Variants in RYR3 observed in about 807,000 individuals in gnomAD.
RYR3 encodes ryanodine receptor 3.
Under a neutral mutation model 584.3 loss-of-function variants are expected in RYR3, and 207 were observed. The ratio of observed to expected loss-of-function variants is 0.35; its 90% CI spans 0.32 to 0.40. The LOEUF (loss-of-function observed/expected upper bound fraction) is 0.40, where lower values mean the gene tolerates loss of function less well. RYR3 is among the 10% of genes least tolerant of loss of function. The pLI is 1.00. For missense variants in RYR3, 5,616 were observed against 6,089.2 expected (o/e 0.92, Z 2.59); for synonymous variants, 2,416 against 2,248.5 (o/e 1.07, Z -2.11).
At chr15:33,478,734 A>G (rs1249564026) in intron 2 of RYR3, among the ~76,000 whole-genome samples, 1 of 152,248 alleles carries the variant, frequency 6.6e-6, no homozygotes, top group African/African-American at 2.4e-5. Context: ...TGTTAGATAT[A>G]TCCGGAACCC....
chr15:33,690,204 G>A (rs2065313125), intron 38 of RYR3, among the ~76,000 whole-genome samples: 2 of 152,192 alleles, frequency 1.3e-5, no homozygotes. Context: ...GCCCACCTTT[G>A]TGCGTGTGCA....
At chr15:33,857,967 C>A in intron 99 of RYR3, 53 bp downstream of exon 99, 1 of 1,604,400 alleles carries the variant, frequency 6.2e-7, no homozygotes, top group Non-Finnish European at 8.5e-7. Context: ...GCCACCCCGC[C>A]CCACCACCTC....
At chr15:33,455,820 T>C (rs1461435792) in intron 1 of RYR3, among the ~76,000 whole-genome samples, 2 of 152,230 alleles carry the variant, frequency 1.3e-5, no homozygotes, top group East Asian at 1.9e-4. Context: ...ATTTCCTATT[T>C]ATTGCACATA....
At chr15:33,488,678 C>T (rs1050901788) in intron 2 of RYR3, among the ~76,000 whole-genome samples, 10 of 151,960 alleles carry the variant, frequency 6.6e-5, no homozygotes, top group African/African-American at 2.2e-4. Context: ...TGGTGAAACC[C>T]CGTCTCTACT....
At chr15:33,812,327 T>C (rs150783257) in intron 72 of RYR3, among the ~76,000 whole-genome samples, 175 of 152,042 alleles carry the variant, frequency 1.2e-3, no homozygotes, top group African/African-American at 3.9e-3. Context: ...AGAGTCAGCA[T>C]AGGAAACAAA....
At position 33,425,637 on chromosome 15, in the gene RYR3, A is replaced by ATTTTT. The variant is rs68182512; in HGVS notation, c.52-47764_52-47760dup. ...AGCTTCTACTAGGTTGAGACTCACAATTTTTTTTTTTTTTTTTTTTTTGAG... is the reference window on the plus strand; with the variant it reads ...AGCTTCTACTAGGTTGAGACTCACAATTTTTTTTTTTTTTTTTTTTTTTTTTTGAG... On this transcript the variant is annotated intron_variant, in intron 1 of 103. Transcript: ENST00000634891. Among the ~76,000 whole-genome samples, 939 of 121,658 alleles carry ATTTTT rather than the reference A, an allele frequency of 7.7e-3. 48 individuals carry two copies. Among genetic ancestry groups the ATTTTT allele is most frequent in the African/African-American group, 0.023 (679 of 29,972 alleles). The allele number at this position is 121,658 out of a possible 152,430, so 79.8% of individuals were successfully genotyped here.
At chr15:33,558,467 T>A (rs2057222265) in intron 10 of RYR3, among the ~76,000 whole-genome samples, 1 of 151,928 alleles carries the variant, frequency 6.6e-6, no homozygotes, top group Non-Finnish European at 1.5e-5. Context: ...ATGGTGTATA[T>A]GTGCCACATT....
At chr15:33,379,288 G>A (rs1159419119) in intron 1 of RYR3, among the ~76,000 whole-genome samples, 1 of 152,146 alleles carries the variant, frequency 6.6e-6, no homozygotes, top group African/African-American at 2.4e-5. Flanking sequence ...AAGAATAGAA[G>A]CGACACTTGA....
chr15:33,681,169 A>G (rs1186113264), intron 38 of RYR3, among the ~76,000 whole-genome samples: 11 of 152,202 alleles, frequency 7.2e-5, no homozygotes, highest in South Asian at 4.1e-4. Flanking sequence ...CTGTGGGCAC[A>G]TTTGTCATGG....
intron 1 of RYR3, among the ~76,000 whole-genome samples, chr15:33,329,700 C>G (rs1339072477): frequency 6.6e-6 from 1 of 152,190 alleles, no homozygotes; most frequent in Non-Finnish European, 1.5e-5. Flanking sequence ...TTGGCCATCA[C>G]AACATTATCT....
chr15:33,503,506 TGCA>T, intron 2 of RYR3, 122 bp from the exon 3 acceptor site: 1 of 625,708 alleles, frequency 1.6e-6, no homozygotes, highest in South Asian at 2.0e-5. Context: ...GCCACCTTTT[TGCA>T]TTCCTATTCA....
chr15:33,413,723 C>T (rs1055325508), intron 1 of RYR3, among the ~76,000 whole-genome samples: 1 of 152,212 alleles, frequency 6.6e-6, no homozygotes, highest in Admixed American at 6.5e-5. Flanking sequence ...CCTGTTCCCC[C>T]CCGCTCAGCT....
intron 1 of RYR3, among the ~76,000 whole-genome samples, chr15:33,433,662 A>G (rs566172596): frequency 1.3e-5 from 2 of 152,190 alleles, no homozygotes; most frequent in Non-Finnish European, 2.9e-5. Flanking sequence ...GCCTATACAA[A>G]TTACTTTTAG....
chr15:33,369,008 CAG>C (rs766181671), intron 1 of RYR3, among the ~76,000 whole-genome samples: 24 of 152,220 alleles, frequency 1.6e-4, no homozygotes, highest in Non-Finnish European at 3.1e-4. Flanking sequence ...CACTGACAGA[CAG>C]ACTTTTCCTG....
intron 91 of RYR3, among the ~76,000 whole-genome samples, chr15:33,842,746 C>G (rs1467386622): frequency 6.6e-6 from 1 of 152,182 alleles, no homozygotes; most frequent in Non-Finnish European, 1.5e-5. Context: ...CACAGAATGG[C>G]TACATCCAGG....
intron 20 of RYR3, among the ~76,000 whole-genome samples, chr15:33,627,378 A>T (rs2061047178): frequency 6.6e-6 from 1 of 152,206 alleles, no homozygotes; most frequent in East Asian, 1.9e-4. Context: ...AATACAGAGG[A>T]ACTCTCCCTT....
intron 44 of RYR3, among the ~76,000 whole-genome samples, 180 bp downstream of exon 44, chr15:33,723,075 G>A (rs537315350): frequency 2.0e-5 from 3 of 152,366 alleles, no homozygotes; most frequent in Admixed American, 2.0e-4. Flanking sequence ...CTAGTGATCA[G>A]CATCACCTTC....
intron 1 of RYR3, among the ~76,000 whole-genome samples, chr15:33,374,160 C>T (rs889032561): frequency 1.1e-4 from 16 of 151,916 alleles, no homozygotes; most frequent in African/African-American, 3.6e-4. Context: ...AGATGAATAA[C>T]AAAAAAATGT....
intron 1 of RYR3, among the ~76,000 whole-genome samples, chr15:33,354,282 C>T (rs1973668093): frequency 6.6e-6 from 1 of 152,134 alleles, no homozygotes; most frequent in Non-Finnish European, 1.5e-5. Context: ...AGTAAGATGC[C>T]CATTTCTTAG....
Sources: allele counts gnomAD v4.1 joint callset (sites outside exome capture counted in the v4.1 genomes callset), GRCh38; gene constraint gnomAD v4.1.1; transcripts MANE v1.5; gene names NCBI Gene and HGNC (gene_info 2026-07-23, HGNC 2026-07-21).